PCDHA3: variants seen among roughly 807,000 people sequenced by gnomAD.
The protein encoded by PCDHA3 is protocadherin alpha 3, also known as protocadherin alpha-3.
A neutral mutation model predicts 62.2 loss-of-function variants in PCDHA3; 41 were observed. The observed-to-expected ratio is 0.66, with a 90% CI of 0.51 to 0.86. The LOEUF (loss-of-function observed/expected upper bound fraction) is 0.86, where lower values mean the gene tolerates loss of function less well. Among genes scored for constraint, PCDHA3 ranks in the 40% least tolerant of loss-of-function variants. The pLI, the probability that PCDHA3 is intolerant of heterozygous loss-of-function variation, is 0.00. For synonymous variants in PCDHA3, 640 were observed against 555.4 expected, an observed-to-expected ratio of 1.15 and a Z score of -2.14; for missense variants, 1,304 against 1,241.2, an observed-to-expected ratio of 1.05 and a Z score of -0.76.
intron 1 of PCDHA3, among the ~76,000 whole-genome samples, chr5:140,908,777 TCTC>T (rs2074149319): frequency 6.6e-6 from 1 of 152,144 alleles, no homozygotes; most frequent in African/African-American, 2.4e-5. Flanking sequence ...TGTAGAGTCT[TCTC>T]CTGTTCTGTA....
chr5:140,891,635 G>A (rs1266162781), intron 1 of PCDHA3, among the ~76,000 whole-genome samples: 3 of 151,868 alleles, frequency 2.0e-5, no homozygotes, highest in African/African-American at 7.3e-5. Context: ...TTTGCTCTTT[G>A]GGCTTTATTG....
At chr5:140,811,298 G>A (rs544092500) in intron 1 of PCDHA3, 2 of 152,334 alleles carry the variant, frequency 1.3e-5, no homozygotes, top group East Asian at 3.9e-4. Flanking sequence ...TCAGAATGAC[G>A]GTTTCCAGCT....
intron 1 of PCDHA3, among the ~76,000 whole-genome samples, chr5:140,905,814 G>A (rs1303983123): frequency 6.6e-6 from 1 of 152,090 alleles, no homozygotes; most frequent in South Asian, 2.1e-4. Flanking sequence ...GAATTAATAG[G>A]CTAGATGTGT....
chr5:140,805,272 T>G, intron 1 of PCDHA3: 1 of 1,287,730 alleles, frequency 7.8e-7, no homozygotes, highest in Non-Finnish European at 9.8e-7. Context: ...AATGAAAATA[T>G]TACAAATGAA....
At chr5:140,923,752 G>A (rs1004241488) in intron 1 of PCDHA3, among the ~76,000 whole-genome samples, 1 of 152,186 alleles carries the variant, frequency 6.6e-6, no homozygotes, top group Non-Finnish European at 1.5e-5. Context: ...GAGGCATATG[G>A]TGGGACAAAT....
At chr5:140,835,434 A>G (rs2150235683) in intron 1 of PCDHA3, 2 of 1,613,730 alleles carry the variant, frequency 1.2e-6, no homozygotes, top group Non-Finnish European at 1.7e-6. Flanking sequence ...TCCACAGTTG[A>G]CTCTCACTTC....
intron 1 of PCDHA3, chr5:140,929,542 C>A (rs2086218387): frequency 1.9e-6 from 1 of 536,790 alleles, no homozygotes; most frequent in Non-Finnish European, 3.0e-6. Context: ...GAAACAAGGG[C>A]AAAAATTAAA....
chr5:140,920,972 T>C (rs246075), intron 1 of PCDHA3, among the ~76,000 whole-genome samples: 86,063 of 151,854 alleles, frequency 0.57, 25,081 homozygotes, highest in African/African-American at 0.71. Flanking sequence ...TACTAGAGTA[T>C]AATATTGTAT....
intron 1 of PCDHA3, chr5:140,812,129 G>A (rs1240685274): frequency 6.7e-6 from 1 of 149,138 alleles, no homozygotes; most frequent in Non-Finnish European, 1.5e-5. Flanking sequence ...CTCCAGGAAA[G>A]ATATCTGGTT....
At chr5:140,966,603 G>A (rs567686852) in intron 1 of PCDHA3, 9 of 656,454 alleles carry the variant, frequency 1.4e-5, no homozygotes, top group African/African-American at 1.3e-4. Flanking sequence ...AGGAGCCCTT[G>A]GGAGGGCCTA....
At chr5:140,823,161 C>T (rs1767584592) in intron 1 of PCDHA3, 1 of 1,613,930 alleles carries the variant, frequency 6.2e-7, no homozygotes, top group Non-Finnish European at 8.5e-7. Context: ...ATACCGTGTT[C>T]GTGAAGGAGA....
At chr5:140,830,146 C>G (rs2150181875) in intron 1 of PCDHA3, 1 of 1,613,128 alleles carries the variant, frequency 6.2e-7, no homozygotes, top group Non-Finnish European at 8.5e-7. Flanking sequence ...CGTCGGTGGG[C>G]GCCGCGGGCC....
At chr5:140,824,423 T>G in intron 1 of PCDHA3, 1 of 504,742 alleles carries the variant, frequency 2.0e-6, no homozygotes, top group Non-Finnish European at 3.5e-6. Flanking sequence ...TTTGGAGTCA[T>G]TCTCAAAGTT....
At position 140,807,396 on chromosome 5, in the gene PCDHA3, G is replaced by GA. The variant is rs200172095; in HGVS notation, c.2394+3805_2394+3806insA. 2.8e-3 allele frequency: 4,052 copies of GA among 1,446,230 alleles called. 1,984 individuals carry two copies. The highest frequency in any genetic ancestry group is 0.012 in the Admixed American group (618 of 53,392). The allele number at this position is 1,446,230 out of a possible 1,614,324, so 89.6% of individuals were successfully genotyped here. A position where few individuals can be genotyped will look rare whatever the true frequency, so the allele number is the denominator to read the frequency against. Reference sequence around the variant, plus strand: ...CGCCTGTTCCGGGTGGCGTCCAAGGGCCGCGGAGGCCTTCTGGAGGTAAAT... The same window carrying GA: ...CGCCTGTTCCGGGTGGCGTCCAAGGGACCGCGGAGGCCTTCTGGAGGTAAAT... On this transcript the variant is annotated intron_variant, in intron 1 of 3. Coordinates refer to ENST00000522353, the MANE Select transcript of PCDHA3 (RefSeq NM_018906.3).
intron 1 of PCDHA3, chr5:140,928,082 T>C: frequency 1.2e-6 from 2 of 1,614,212 alleles, no homozygotes. Context: ...TACTACAGCC[T>C]GCTGATTGAT....
chr5:140,876,870 G>A (rs1278762768), intron 1 of PCDHA3: 2 of 1,614,000 alleles, frequency 1.2e-6, no homozygotes, highest in Non-Finnish European at 1.7e-6. Flanking sequence ...TCGTGAAGGA[G>A]AACAACCCGC....
intron 1 of PCDHA3, chr5:140,841,254 A>T: frequency 6.6e-7 from 1 of 1,510,716 alleles, no homozygotes. Flanking sequence ...GGATTAAAAG[A>T]CTCTGAAAGT....
chr5:140,856,858 AGG>A, intron 1 of PCDHA3: 1 of 1,594,634 alleles, frequency 6.3e-7, no homozygotes, highest in Non-Finnish European at 8.6e-7. Context: ...ATTCGGATGA[AGG>A]AATAAACAAG....
intron 1 of PCDHA3, chr5:140,928,746 C>G (rs782813323): frequency 1.2e-6 from 2 of 1,614,012 alleles, no homozygotes; most frequent in Non-Finnish European, 1.7e-6. Flanking sequence ...TAGGTGAGCT[C>G]CGTACTGCTC....
Sources: gnomAD v4.1 joint callset for allele counts (sites outside exome capture counted in the v4.1 genomes callset) on GRCh38, gnomAD v4.1.1 for gene constraint, MANE v1.5 for transcripts, NCBI Gene and HGNC (gene_info 2026-07-23, HGNC 2026-07-21) for gene names.